The following SRP9 variants were observed in gnomAD, a reference collection of about 807,000 sequenced individuals.
SRP9 encodes the protein signal recognition particle 9 kDa protein.
In SRP9, 2 loss-of-function variants were observed where a neutral mutation model predicts 11.7. The observed-to-expected ratio is 0.17, with a 90% CI of 0.07 to 0.54. The LOEUF is 0.54. Among genes scored for constraint, SRP9 ranks in the 20% least tolerant of loss-of-function variants. The pLI is 0.94. For synonymous variants in SRP9, 27 were observed against 35.6 expected (o/e 0.76, Z 0.86); for missense variants, 54 against 108.1 (o/e 0.50, Z 2.22).
At chr1:225,780,538 A>G (rs1452264200) in intron 1 of SRP9, among the ~76,000 whole-genome samples, 1 of 152,206 alleles carries the variant, frequency 6.6e-6, no homozygotes, top group Non-Finnish European at 1.5e-5. Context: ...GTGTGTTTAC[A>G]TAGATTTATA....
chr1:225,788,963 C>A, intron 2 of SRP9: 1 of 1,536,264 alleles, frequency 6.5e-7, no homozygotes, highest in Non-Finnish European at 8.8e-7. Context: ...TCTCATCAGA[C>A]CATAGCAGGA....
At chr1:225,786,107 T>C (rs192332875) in intron 2 of SRP9, among the ~76,000 whole-genome samples, 1 of 152,388 alleles carries the variant, frequency 6.6e-6, no homozygotes, top group Admixed American at 6.5e-5. Flanking sequence ...TCCTTTAATG[T>C]GCTGTGATGT....
At position 225,784,226 on chromosome 1, in the gene SRP9, G is replaced by GTTC. The variant is rs1665852793; in HGVS notation, c.141+861_141+863dup. ...TTATCTACAGTGGAGTTTATCACCT[G>GTTC]TTCTTTTTTTTTTTTTTTTTTTTTT... On this transcript the variant is annotated intron_variant, in intron 2 of 2. Coordinates refer to ENST00000304786, the MANE Select transcript of SRP9 (RefSeq NM_003133.6). Among the ~76,000 whole-genome samples the GTTC allele has an allele frequency of 7.0e-5, 3 of 42,558 alleles. No individual in the cohort carries two copies. In the East Asian group the frequency reaches 1.8e-3, roughly 25 times the overall value. The allele number at this position is 42,558 out of a possible 152,430, so 27.9% of individuals were successfully genotyped here.
Position 225,782,010 on chromosome 1 carries a change from C to G in SRP9, c.73-1290C>G, listed in dbSNP as rs77362673. On this transcript the variant is annotated intron_variant, in intron 1 of 2. Transcript: ENST00000304786. The stretch of plus-strand genomic sequence containing the variant: ...TTTTCAGTCTCAGGAATGCAAAGAC[C>G]GTAATGGGGAAAGCTGTAGGTTGCA... Among the ~76,000 whole-genome samples the G allele has an allele frequency of 1.9e-3, 291 of 151,964 alleles. 1 individual carries two copies. The East Asian group carries it at 0.037, about 19-fold the overall frequency.
rs11315558 is a variant in SRP9, at chr1:225,781,395, C to CTTTTTTTTT, written c.73-1892_73-1884dup. On this transcript the variant is annotated intron_variant, in intron 1 of 2. Transcript: ENST00000304786. ...GATTGGCCTTTTTTCTTTTCTTTTT[C>CTTTTTTTTT]TTTTTTTTTTTTTTTTTTTTTGAGA... Among the ~76,000 whole-genome samples, 17 of 87,812 alleles carry CTTTTTTTTT rather than the reference C, an allele frequency of 1.9e-4. 1 individual carries two copies. The highest frequency in any genetic ancestry group is 1.2e-3 in the East Asian group (3 of 2,556). The allele number at this position is 87,812 out of a possible 152,430, so 57.6% of individuals were successfully genotyped here.
chr1:225,777,869 C>A lies in SRP9; in HGVS notation c.-72C>A, dbSNP rs1193720841. The stretch of plus-strand genomic sequence containing the variant: ...CTGGGACTCGCGTCGGTTGGCGACT[C>A]CCGGACGTAGGTAGTTTGTTGGGCC... On this transcript the variant is annotated 5_prime_UTR_variant, in exon 1 of 3. Transcript: ENST00000304786. 2.1e-6 allele frequency: 3 copies of A among 1,459,362 alleles called. No homozygotes were observed. The highest frequency in any genetic ancestry group is 2.8e-6 in the Non-Finnish European group (3 of 1,054,478). 90.4% of individuals were successfully genotyped at this position (1,459,362 alleles called of 1,614,324 possible).
intron 2 of SRP9, chr1:225,786,920 G>T: frequency 1.1e-6 from 1 of 877,984 alleles, no homozygotes; most frequent in Non-Finnish European, 1.6e-6. Flanking sequence ...ATAGCTCACT[G>T]CATCCTCGAC....
intron 1 of SRP9, among the ~76,000 whole-genome samples, chr1:225,781,766 C>T (rs1665805590): frequency 6.6e-6 from 1 of 152,136 alleles, no homozygotes; most frequent in Non-Finnish European, 1.5e-5. Flanking sequence ...AGAGTTAAAA[C>T]TTCACATAGT....
chr1:225,783,502 AC>A (rs1040519093), intron 2 of SRP9, 134 bp downstream of exon 2: 1 of 687,576 alleles, frequency 1.5e-6, no homozygotes, highest in Non-Finnish European at 2.4e-6. Flanking sequence ...AAGATGAAGA[AC>A]CTCATTCTAG....
Position 225,789,342 on chromosome 1 carries a change from A to G in SRP9, c.244A>G (p.Thr82Ala), listed in dbSNP as rs1050624407. 6.3e-7 allele frequency: 1 copy of G among 1,598,302 alleles called. No individual in the cohort carries two copies. Among genetic ancestry groups the G allele is most frequent in the Non-Finnish European group, 8.5e-7 (1 of 1,173,968 alleles). ...LMVAKEARNV[T>A]METE ...GGTAGCCAAGGAAGCCCGCAATGTT[A>G]CCATGGAAACTGAGTGAATGGTTTG... Residue 82 changes from threonine to alanine, a missense_variant, in exon 3 of 3, where the codon ACC (threonine) becomes GCC (alanine). Coordinates refer to ENST00000304786, the MANE Select transcript of SRP9 (RefSeq NM_003133.6).
intron 1 of SRP9, among the ~76,000 whole-genome samples, chr1:225,782,196 G>A (rs912142463): frequency 3.3e-5 from 5 of 151,482 alleles, no homozygotes; most frequent in Non-Finnish European, 7.4e-5. Flanking sequence ...ATGGAGTCTC[G>A]CTCTGTCCCC....
At chr1:225,778,282 G>A (rs1665724442) in intron 1 of SRP9, among the ~76,000 whole-genome samples, 1 of 152,220 alleles carries the variant, frequency 6.6e-6, no homozygotes, top group South Asian at 2.1e-4. Flanking sequence ...CTTCCTTTAT[G>A]GCTTCGGTTG....
At position 225,777,913 on chromosome 1, in the gene SRP9, T is replaced by A; in HGVS notation, c.-28T>A. On this transcript the variant is annotated 5_prime_UTR_variant, in exon 1 of 3. Transcript: ENST00000304786. ...TTGGGCCGGGTTCTGAGGCCTTGCT[T>A]CTCTTTACTTTTCCACTCTAGGCCA... 1 of 1,606,638 alleles carries A rather than the reference T, an allele frequency of 6.2e-7. No homozygotes were observed. Among genetic ancestry groups the A allele is most frequent in the Non-Finnish European group, 8.5e-7 (1 of 1,174,146 alleles).
At chr1:225,783,403 G>C in intron 2 of SRP9, 35 bp downstream of exon 2, 1 of 1,500,142 alleles carries the variant, frequency 6.7e-7, no homozygotes, top group Non-Finnish European at 9.2e-7. Context: ...CATACTTTCA[G>C]ATTTGTTTGA....
At chr1:225,782,443 C>T (rs563327555) in intron 1 of SRP9, among the ~76,000 whole-genome samples, 1 of 152,106 alleles carries the variant, frequency 6.6e-6, no homozygotes, top group Non-Finnish European at 1.5e-5. Context: ...AGATTACAGG[C>T]GTGAGCCACC....
At chr1:225,784,976 A>T (rs540800206) in intron 2 of SRP9, among the ~76,000 whole-genome samples, 1 of 152,068 alleles carries the variant, frequency 6.6e-6, no homozygotes, top group African/African-American at 2.4e-5. Flanking sequence ...GGATATCGCT[A>T]TGTTGCCCAG....
chr1:225,783,825 G>C (rs1359120542), intron 2 of SRP9, among the ~76,000 whole-genome samples: 1 of 152,162 alleles, frequency 6.6e-6, no homozygotes, highest in East Asian at 1.9e-4. Flanking sequence ...CACATCAGCA[G>C]CTCCTTTCTT....
chr1:225,783,978 G>T (rs1575953023), intron 2 of SRP9, among the ~76,000 whole-genome samples: 2 of 150,598 alleles, frequency 1.3e-5, no homozygotes, highest in South Asian at 2.1e-4. Flanking sequence ...TGTTTCTGTT[G>T]TTTCATTCTT....
At chr1:225,786,844 G>GTT in intron 2 of SRP9, 1 of 1,251,814 alleles carries the variant, frequency 8.0e-7, no homozygotes, top group Non-Finnish European at 1.0e-6. Flanking sequence ...TTGGTTGATT[G>GTT]CTTTTTTTTT....
Sources: allele counts gnomAD v4.1 joint callset (sites outside exome capture counted in the v4.1 genomes callset), GRCh38; gene constraint gnomAD v4.1.1; transcripts MANE v1.5; gene names NCBI Gene and HGNC (gene_info 2026-07-23, HGNC 2026-07-21).